The following CDH13 variants were observed in gnomAD, a reference collection of about 807,000 sequenced individuals.
The protein encoded by CDH13 is cadherin 13, also known as cadherin-13.
In CDH13, 24 loss-of-function variants were observed where a neutral mutation model predicts 63.8. The ratio of observed to expected loss-of-function variants is 0.38; its 90% CI spans 0.27 to 0.53. The LOEUF (loss-of-function observed/expected upper bound fraction) is 0.53, where lower values mean the gene tolerates loss of function less well. Ranked by LOEUF, CDH13 falls within the 20% of genes least tolerant of loss-of-function variation. The pLI, the probability that CDH13 is intolerant of heterozygous loss-of-function variation, is 0.85. For synonymous variants in CDH13, 503 were observed against 355.3 expected (o/e 1.42, Z -4.67); for missense variants, 1,049 against 903.1 (o/e 1.16, Z -2.07).
chr16:83,683,059 C>A (rs1427600965), intron 10 of CDH13, among the ~76,000 whole-genome samples: 1 of 152,250 alleles, frequency 6.6e-6, no homozygotes, highest in Non-Finnish European at 1.5e-5. Flanking sequence ...GCCAGACACC[C>A]TTTCATCTCC....
At chr16:83,716,823 C>G (rs1218420737) in intron 10 of CDH13, among the ~76,000 whole-genome samples, 9 of 152,154 alleles carry the variant, frequency 5.9e-5, no homozygotes, top group Non-Finnish European at 8.8e-5. Flanking sequence ...GTAAAGTCTT[C>G]CAGTCCTTTT....
chr16:83,497,655 TA>T (rs200337401), intron 7 of CDH13, among the ~76,000 whole-genome samples: 164 of 146,288 alleles, frequency 1.1e-3, no homozygotes, highest in African/African-American at 3.2e-3. Flanking sequence ...AAAACTTTAA[TA>T]AAAAAAAAAG....
At chr16:82,897,939 C>T (rs1055858640) in intron 2 of CDH13, among the ~76,000 whole-genome samples, 2 of 152,218 alleles carry the variant, frequency 1.3e-5, no homozygotes, top group African/African-American at 2.4e-5. Context: ...AAGTGTTAAT[C>T]TTTATGCCTC....
chr16:83,249,814 G>T (rs1597593870), intron 5 of CDH13, among the ~76,000 whole-genome samples: 1 of 152,202 alleles, frequency 6.6e-6, no homozygotes, highest in Admixed American at 6.5e-5. Flanking sequence ...TTTGACGTTG[G>T]TGTTACAGAT....
chr16:82,836,070 C>T (rs764185228), intron 1 of CDH13, among the ~76,000 whole-genome samples: 1 of 152,066 alleles, frequency 6.6e-6, no homozygotes, highest in Non-Finnish European at 1.5e-5. Flanking sequence ...TTTTCAGGGC[C>T]CTAAGTGTGA....
chr16:83,745,592 G>A (rs952579196), intron 10 of CDH13, among the ~76,000 whole-genome samples: 3 of 152,098 alleles, frequency 2.0e-5, no homozygotes, highest in Non-Finnish European at 4.4e-5. Context: ...CTGCATAGAT[G>A]CCCATTCCCT....
chr16:83,119,406 C>G (rs1179912136), intron 3 of CDH13, among the ~76,000 whole-genome samples: 2 of 152,150 alleles, frequency 1.3e-5, no homozygotes, highest in Non-Finnish European at 2.9e-5. Context: ...TCACGTCCAG[C>G]AGGCTCCTCA....
rs1371846054 is a variant in CDH13, at chr16:82,754,694, T to C, written c.46-103668T>C. Among the ~76,000 whole-genome samples, 4 of 152,238 alleles carry C rather than the reference T, an allele frequency of 2.6e-5. No individual in the cohort carries two copies. In the East Asian group the frequency reaches 7.7e-4, roughly 29 times the overall value. ...TTTGGATTTCTAAGCAGCTCTACCT[T>C]TTGTTACGATGATTATATGGCAAAA... On this transcript the variant is annotated intron_variant, in intron 1 of 13. Transcript: ENST00000567109.
intron 1 of CDH13, among the ~76,000 whole-genome samples, chr16:82,755,330 T>A (rs1006568940): frequency 1.7e-4 from 26 of 152,162 alleles, no homozygotes; most frequent in Admixed American, 9.8e-4. Context: ...TCTAGTTATA[T>A]GGCAGTGATT....
chr16:83,095,299 A>G (rs140938118), intron 3 of CDH13, among the ~76,000 whole-genome samples: 1 of 152,324 alleles, frequency 6.6e-6, no homozygotes, highest in Non-Finnish European at 1.5e-5. Flanking sequence ...TGGTATATCA[A>G]CATGGTACTG....
At chr16:83,015,766 C>G (rs1244075933) in intron 2 of CDH13, among the ~76,000 whole-genome samples, 1 of 136,244 alleles carries the variant, frequency 7.3e-6, no homozygotes, top group Non-Finnish European at 1.6e-5. Flanking sequence ...CTTAGACTTG[C>G]CGTGGGTATG....
At chr16:83,122,430 G>T (rs2035623269) in intron 3 of CDH13, among the ~76,000 whole-genome samples, 1 of 152,184 alleles carries the variant, frequency 6.6e-6, no homozygotes, top group Non-Finnish European at 1.5e-5. Context: ...TTAAAAATAT[G>T]AGTTACGCAT....
At chr16:83,614,073 T>A (rs1909083873) in intron 8 of CDH13, among the ~76,000 whole-genome samples, 1 of 152,172 alleles carries the variant, frequency 6.6e-6, no homozygotes, top group Non-Finnish European at 1.5e-5. Context: ...TTGGTTATAG[T>A]CGCCTGGCAT....
intron 1 of CDH13, among the ~76,000 whole-genome samples, chr16:82,662,049 G>A (rs948517066): frequency 6.6e-6 from 1 of 152,170 alleles, no homozygotes; most frequent in African/African-American, 2.4e-5. Flanking sequence ...GGACATCCCC[G>A]CCATCACAGA....
intron 5 of CDH13, among the ~76,000 whole-genome samples, chr16:83,325,220 C>T (rs982000054): frequency 1.3e-5 from 2 of 152,128 alleles, no homozygotes; most frequent in African/African-American, 2.4e-5. Flanking sequence ...TTAATTATTA[C>T]AAACCAAAAG....
At chr16:82,641,678 G>A (rs1909415537) in intron 1 of CDH13, among the ~76,000 whole-genome samples, 1 of 152,234 alleles carries the variant, frequency 6.6e-6, no homozygotes, top group South Asian at 2.1e-4. Flanking sequence ...GAGAAAAGTG[G>A]AGGCTGTCTA....
intron 1 of CDH13, among the ~76,000 whole-genome samples, chr16:82,642,591 C>A (rs1206014246): frequency 1.3e-5 from 2 of 152,192 alleles, no homozygotes; most frequent in African/African-American, 4.8e-5. Flanking sequence ...ATCATACAAT[C>A]TCCACCAGAC....
intron 7 of CDH13, among the ~76,000 whole-genome samples, chr16:83,577,688 C>T (rs555035483): frequency 6.6e-6 from 1 of 152,320 alleles, no homozygotes; most frequent in South Asian, 2.1e-4. Context: ...CCACATCCGT[C>T]ACCCTGTGAT....
chr16:83,405,138 A>G (rs984311537), intron 6 of CDH13, among the ~76,000 whole-genome samples: 7 of 152,160 alleles, frequency 4.6e-5, no homozygotes, highest in Admixed American at 4.6e-4. Context: ...AGCTCTCAAA[A>G]AAAAAAAAAA....
Sources: allele counts gnomAD v4.1 joint callset (sites outside exome capture counted in the v4.1 genomes callset), GRCh38; gene constraint gnomAD v4.1.1; transcripts MANE v1.5; gene names NCBI Gene and HGNC (gene_info 2026-07-23, HGNC 2026-07-21).